CSMD1: variants seen among roughly 807,000 people sequenced by gnomAD.
The protein encoded by CSMD1 is CUB and Sushi multiple domains 1, also known as CUB and sushi domain-containing protein 1.
In CSMD1, 213 loss-of-function variants were observed where a neutral mutation model predicts 417.5. The observed-to-expected ratio is 0.51, with a 90% CI of 0.46 to 0.57. The LOEUF is 0.57. CSMD1 is among the 20% of genes least tolerant of loss of function. The pLI, the probability that CSMD1 is intolerant of heterozygous loss-of-function variation, is 0.00. For synonymous variants in CSMD1, 2,862 were observed against 1,736.8 expected (o/e 1.65, Z -16.11); for missense variants, 6,923 against 4,529.7 (o/e 1.53, Z -15.17).
In CSMD1 at chr8:3,293,392, T is replaced by G. The variant is rs193200565; in HGVS notation, c.3951-9046A>C. The stretch of plus-strand genomic sequence containing the variant: ...TGGCCTGCCTTGCTAGATTGGGGAA[T>G]TTCTCCTGGTTAATATCCTGCAGAG... On this transcript the variant is annotated intron_variant, in intron 25 of 69. Coordinates refer to ENST00000635120, the MANE Select transcript of CSMD1 (RefSeq NM_033225.6). 2.8e-3 allele frequency among the ~76,000 whole-genome samples: 424 copies of G among 152,274 alleles called. 2 individuals are homozygous for G. Among genetic ancestry groups the G allele is most frequent in the African/African-American group, 9.7e-3 (404 of 41,558 alleles).
At position 4,521,373 on chromosome 8, in the gene CSMD1, G is replaced by C. The variant is rs1226353338; in HGVS notation, c.303-101308C>G. The stretch of plus-strand genomic sequence containing the variant: ...AGAACCTTTAAGCAGGGCTAAAATA[G>C]AAAAAGAAAAAACAAAACAAAACAT... On this transcript the variant is annotated intron_variant, in intron 2 of 69. Coordinates refer to ENST00000635120, the MANE Select transcript of CSMD1 (RefSeq NM_033225.6). Among the ~76,000 whole-genome samples, 5 of 151,942 alleles carry C rather than the reference G, an allele frequency of 3.3e-5. No homozygotes were observed. In the East Asian group the frequency reaches 9.6e-4, roughly 29 times the overall value.
intron 20 of CSMD1, among the ~76,000 whole-genome samples, chr8:3,361,912 G>T (rs1021174262): frequency 3.3e-5 from 5 of 152,054 alleles, no homozygotes; most frequent in Non-Finnish European, 2.9e-5. Flanking sequence ...GGCTTTCTAA[G>T]GATTCTCTTA....
chr8:3,557,269 G>C (rs1358191132), intron 10 of CSMD1, among the ~76,000 whole-genome samples: 1 of 152,166 alleles, frequency 6.6e-6, no homozygotes. Flanking sequence ...TGTGGGATTC[G>C]TGGCTTGGAG....
chr8:3,537,255 G>A (rs1798241908), intron 10 of CSMD1, among the ~76,000 whole-genome samples: 1 of 152,102 alleles, frequency 6.6e-6, no homozygotes, highest in Admixed American at 6.5e-5. Flanking sequence ...CACCTGCCTT[G>A]GCCTCCCAAA....
At chr8:3,455,525 C>T (rs1297282319) in intron 12 of CSMD1, among the ~76,000 whole-genome samples, 2 of 152,190 alleles carry the variant, frequency 1.3e-5, no homozygotes, top group Non-Finnish European at 2.9e-5. Flanking sequence ...AGTTTTCCTT[C>T]TAACAGTCAG....
At chr8:4,171,228 G>A (rs1797747728) in intron 3 of CSMD1, among the ~76,000 whole-genome samples, 1 of 151,810 alleles carries the variant, frequency 6.6e-6, no homozygotes, top group East Asian at 1.9e-4. Flanking sequence ...CAAAGGTCCA[G>A]CTCAACCGTT....
chr8:3,772,379 TCATATATTTATATA>T (rs1798634365), intron 5 of CSMD1, among the ~76,000 whole-genome samples: 2 of 16,006 alleles, frequency 1.2e-4, no homozygotes, highest in African/African-American at 3.7e-4. Context: ...ATACATATAT[TCATATATTTATATA>T]TACACATATA....
intron 1 of CSMD1, among the ~76,000 whole-genome samples, chr8:4,860,406 T>C (rs1208800553): frequency 1.3e-5 from 2 of 150,424 alleles, no homozygotes; most frequent in Non-Finnish European, 3.0e-5. Context: ...AAACTTAAAG[T>C]ATATAAAAAA....
chr8:4,694,909 T>C (rs80108152), intron 1 of CSMD1, among the ~76,000 whole-genome samples: 2,343 of 152,316 alleles, frequency 0.015, 59 homozygotes, highest in East Asian at 0.1. Context: ...ATCCAATCTA[T>C]AGCCAAGGAA....
chr8:4,834,711 C>T (rs540148033), intron 1 of CSMD1, among the ~76,000 whole-genome samples: 1 of 151,700 alleles, frequency 6.6e-6, no homozygotes, highest in Non-Finnish European at 1.5e-5. Flanking sequence ...AATCCCAGCA[C>T]TTTGGGAGGC....
At position 3,181,156 on chromosome 8, in the gene CSMD1, C is replaced by G. The variant is rs764794946; in HGVS notation, c.5679G>C (p.Gln1893His). 1 of 1,613,892 alleles carries G rather than the reference C, an allele frequency of 6.2e-7. No homozygotes were observed. The highest frequency in any genetic ancestry group is 1.1e-5 in the South Asian group (1 of 91,044). ...STSNQLYLHF[Q>H]SDISVAAAGF... Reference sequence around the variant, plus strand: ...CAGCAGCTGCCACACTAATGTCAGACTGGAAATGCAGGTAGAGTTGGTTGG... The same window carrying G: ...CAGCAGCTGCCACACTAATGTCAGAGTGGAAATGCAGGTAGAGTTGGTTGG... Residue 1893 changes from glutamine to histidine, a missense_variant, in exon 37 of 70, where the codon CAG (glutamine) becomes CAC (histidine). Gln to His is a conservative substitution (Grantham distance 24, BLOSUM62 0). Coordinates refer to ENST00000635120, the MANE Select transcript of CSMD1 (RefSeq NM_033225.6).
intron 1 of CSMD1, among the ~76,000 whole-genome samples, chr8:4,936,033 G>T (rs186030235): frequency 1.8e-4 from 28 of 152,320 alleles, no homozygotes; most frequent in Middle Eastern, 3.4e-3. Flanking sequence ...AATGCATTAG[G>T]GAGTGAAGAC....
chr8:4,847,298 G>A (rs533548100), intron 1 of CSMD1, among the ~76,000 whole-genome samples: 2 of 152,136 alleles, frequency 1.3e-5, no homozygotes, highest in East Asian at 1.9e-4. Flanking sequence ...TAAGAGAATT[G>A]GCATAAATAA....
intron 25 of CSMD1, among the ~76,000 whole-genome samples, chr8:3,285,468 C>T (rs1283719506): frequency 6.6e-6 from 1 of 151,596 alleles, no homozygotes; most frequent in Non-Finnish European, 1.5e-5. Flanking sequence ...CTCACTGCAA[C>T]CTCTACTTCC....
At chr8:3,954,891 C>T (rs747333889) in intron 5 of CSMD1, among the ~76,000 whole-genome samples, 5 of 152,148 alleles carry the variant, frequency 3.3e-5, no homozygotes, top group Non-Finnish European at 5.9e-5. Context: ...GTGGAGGGTA[C>T]GTGGAAACTC....
chr8:3,161,639 A>C (rs945364745), intron 38 of CSMD1, among the ~76,000 whole-genome samples: 51 of 152,010 alleles, frequency 3.4e-4, no homozygotes, highest in African/African-American at 1.1e-3. Flanking sequence ...AAAAAAAAAA[A>C]AAAAAACCCT....
At chr8:3,210,928 T>A (rs1233256649) in intron 30 of CSMD1, among the ~76,000 whole-genome samples, 1 of 152,032 alleles carries the variant, frequency 6.6e-6, no homozygotes, top group Non-Finnish European at 1.5e-5. Context: ...TTTATCTCCC[T>A]CACACTAGAC....
chr8:4,303,173 T>A (rs1394057052), intron 3 of CSMD1, among the ~76,000 whole-genome samples: 1 of 152,116 alleles, frequency 6.6e-6, no homozygotes, highest in Non-Finnish European at 1.5e-5. Context: ...TAATAGGGCA[T>A]GAATATTGTG....
intron 1 of CSMD1, among the ~76,000 whole-genome samples, chr8:4,790,631 G>A (rs980343896): frequency 1.3e-5 from 2 of 152,100 alleles, no homozygotes; most frequent in Non-Finnish European, 2.9e-5. Context: ...TACAAAAGCA[G>A]ACACATAGAC....
Sources: allele counts gnomAD v4.1 joint callset (sites outside exome capture counted in the v4.1 genomes callset), GRCh38; gene constraint gnomAD v4.1.1; transcripts MANE v1.5; gene names NCBI Gene and HGNC (gene_info 2026-07-23, HGNC 2026-07-21).